Variants in SERPINA9 observed in about 807,000 individuals in gnomAD.
The protein encoded by SERPINA9 is serpin family A member 9, also known as serpin A9.
Under a neutral mutation model 24.5 loss-of-function variants are expected in SERPINA9, and 32 were observed. The ratio of observed to expected loss-of-function variants is 1.30; its 90% CI spans 0.98 to 1.75. The LOEUF (loss-of-function observed/expected upper bound fraction) is 1.75. SERPINA9 is among the 40% of genes most tolerant of loss of function. The probability of loss-of-function intolerance (pLI) is 0.00; values close to 1 mark genes in which losing one functional copy is unlikely to be tolerated. For synonymous variants in SERPINA9, 233 were observed against 197.7 expected (o/e 1.18, Z -1.50); for missense variants, 594 against 497.1 (o/e 1.19, Z -1.85).
At chr14:94,467,523 C>A in intron 2 of SERPINA9, 141 bp from the exon 3 acceptor site, 3 of 703,284 alleles carry the variant, frequency 4.3e-6, no homozygotes, top group South Asian at 4.3e-5. Context: ...TATTACACAG[C>A]GGAGTAGTTG....
intron 2 of SERPINA9, among the ~76,000 whole-genome samples, chr14:94,467,781 C>T (rs1899082547): frequency 6.6e-6 from 1 of 151,720 alleles, no homozygotes; most frequent in Non-Finnish European, 1.5e-5. Context: ...AAATGGTTGG[C>T]TGGCTGGGTG....
chr14:94,463,283 G>C lies in SERPINA9; in HGVS notation c.1064C>G (p.Ala355Gly), dbSNP rs546582038. The change falls in exon 5 of 5, where the codon GCT becomes GGT. Residue 355 changes from alanine to glycine, a missense_variant. Ala to Gly is a moderately conservative substitution (Grantham distance 60). Transcript: ENST00000674397. Reference protein sequence around the residue: ...SLQVSKATHKAVLDVSEEGTE... With the variant: ...SLQVSKATHKGVLDVSEEGTE... ...GCCCTCTTCACTGACATCCAGCACA[G>C]CCTTGTGGGTTGCCTGCCAAGGGAA... 1.2e-6 allele frequency: 2 copies of C among 1,614,068 alleles called. No individual in the cohort carries two copies. The highest frequency in any genetic ancestry group is 3.3e-5 in the Admixed American group (2 of 60,022).
intron 2 of SERPINA9, among the ~76,000 whole-genome samples, chr14:94,468,850 A>G (rs970609562): frequency 2.0e-5 from 3 of 152,316 alleles, no homozygotes; most frequent in East Asian, 3.9e-4. Flanking sequence ...GTTGTCAGAG[A>G]GTTCCATGTT....
intron 3 of SERPINA9, among the ~76,000 whole-genome samples, chr14:94,465,582 C>A (rs1024126119): frequency 6.6e-6 from 1 of 152,098 alleles, no homozygotes; most frequent in Non-Finnish European, 1.5e-5. Flanking sequence ...GGCTGGAGTG[C>A]AATGGCACAG....
chr14:94,464,572 G>A (rs1206197996), intron 4 of SERPINA9, 135 bp downstream of exon 4: 16 of 704,322 alleles, frequency 2.3e-5, no homozygotes, highest in Admixed American at 5.6e-5. Flanking sequence ...CGCAAGATTC[G>A]GTTCTTCTGG....
At chr14:94,466,747 G>C (rs886074689) in intron 3 of SERPINA9, among the ~76,000 whole-genome samples, 1 of 152,090 alleles carries the variant, frequency 6.6e-6, no homozygotes, top group Non-Finnish European at 1.5e-5. Flanking sequence ...TTTCTTATAT[G>C]TGACCACCAA....
chr14:94,470,337 C>T (rs909322602), intron 1 of SERPINA9, among the ~76,000 whole-genome samples: 2 of 152,170 alleles, frequency 1.3e-5, no homozygotes, highest in Admixed American at 1.3e-4. Flanking sequence ...CAGACACAGG[C>T]ATTTTACTAA....
chr14:94,476,151 T>C lies in SERPINA9; in HGVS notation c.-33A>G, dbSNP rs768580405. ...CCTTACCCACCTTTGCAGGTTCCTC[T>C]TCTCCTGCCCTGTCCTTGCATGGTT... On this transcript the variant is annotated 5_prime_UTR_variant, in exon 1 of 5. Transcript: ENST00000674397. The C allele has an allele frequency of 5.0e-6, 8 of 1,614,094 alleles. No individual in the cohort carries two copies. The highest frequency in any genetic ancestry group is 4.2e-6 in the Non-Finnish European group (5 of 1,180,042).
intron 1 of SERPINA9, among the ~76,000 whole-genome samples, chr14:94,470,921 A>G (rs926925517): frequency 2.1e-4 from 32 of 152,162 alleles, no homozygotes; most frequent in Admixed American, 6.5e-5. Context: ...TGACCCTGAG[A>G]TACAACAGTA....
intron 3 of SERPINA9, 152 bp from the exon 4 acceptor site, chr14:94,465,006 T>G (rs950897036): frequency 2.6e-5 from 17 of 665,948 alleles, no homozygotes; most frequent in Non-Finnish European, 2.5e-6. Context: ...GAAACCCAGG[T>G]TGCTCTTGAA....
chr14:94,464,904 G>T (rs748898261), intron 3 of SERPINA9, 50 bp from the exon 4 acceptor site: 9 of 1,508,596 alleles, frequency 6.0e-6, no homozygotes, highest in Non-Finnish European at 7.2e-6. Context: ...CATGGTGTCT[G>T]CATCTCTGCT....
intron 1 of SERPINA9, among the ~76,000 whole-genome samples, chr14:94,474,380 A>G (rs8021858): frequency 0.63 from 96,305 of 152,014 alleles, 30,684 homozygotes; most frequent in East Asian, 0.71. Flanking sequence ...TGGCTAGTAA[A>G]TGTCCTGAGT....
intron 1 of SERPINA9, among the ~76,000 whole-genome samples, chr14:94,475,145 A>G (rs1899524384): frequency 6.6e-6 from 1 of 152,086 alleles, no homozygotes; most frequent in Admixed American, 6.5e-5. Context: ...TTCATGTCCC[A>G]GCCCTGTGGC....
At chr14:94,475,275 C>G (rs138755824) in intron 1 of SERPINA9, among the ~76,000 whole-genome samples, 1 of 152,266 alleles carries the variant, frequency 6.6e-6, no homozygotes, top group South Asian at 2.1e-4. Flanking sequence ...CCTTTATCCA[C>G]CCGGCAACAT....
At chr14:94,474,173 G>A (rs1006446534) in intron 1 of SERPINA9, among the ~76,000 whole-genome samples, 1 of 152,242 alleles carries the variant, frequency 6.6e-6, no homozygotes, top group African/African-American at 2.4e-5. Flanking sequence ...AGCACCAGGG[G>A]TCTGTGCCCC....
chr14:94,469,773 G>T lies in SERPINA9; in HGVS notation c.68C>A (p.Pro23Gln). 1 of 1,548,680 alleles carries T rather than the reference G, an allele frequency of 6.5e-7. No individual in the cohort carries two copies. Among genetic ancestry groups the T allele is most frequent in the Non-Finnish European group, 8.7e-7 (1 of 1,146,562 alleles). Residue 23 changes from proline to glutamine, a missense_variant, in exon 2 of 5, where the codon CCG (proline) becomes CAG (glutamine). Physicochemically the swap from Pro to Gln is moderately conservative, Grantham distance 76. Coordinates refer to ENST00000674397, the MANE Select transcript of SERPINA9 (RefSeq NM_175739.4). ...GLCAPIYCVSPANAPSAYPRP... is the reference protein window; with the variant it reads ...GLCAPIYCVSQANAPSAYPRP... ...GGGGTATGCACTGGGGGCATTGGCC[G>T]GGGACACACAGTAGATTGGAGCACA...
At position 94,469,278 on chromosome 14, in the gene SERPINA9, AC is replaced by A. The variant is rs74947133; in HGVS notation, c.562del (p.Val188Ter). On this transcript the variant is annotated frameshift_variant, in exon 2 of 5. Coordinates refer to ENST00000674397, the MANE Select transcript of SERPINA9 (RefSeq NM_175739.4). LOFTEE classifies it high-confidence loss of function. ...HVKKKTQGKV[V>X]DIIQGLDLLT... is the part of the protein sequence containing the mutation. ...AAGGTCAAGGCCTTGGATTATGTCT[AC>A]AACCTTCCCTTGGGTCTTCTTTTTC... The A allele has an allele frequency of 4.4e-3, 7,046 of 1,614,166 alleles. 244 individuals are homozygous for A. The African/African-American group carries it at 0.077, about 18-fold the overall frequency.
chr14:94,475,230 G>A (rs117009764), intron 1 of SERPINA9, among the ~76,000 whole-genome samples: 478 of 152,270 alleles, frequency 3.1e-3, no homozygotes, highest in Non-Finnish European at 5.5e-3. Context: ...GGTTCTGCAA[G>A]GCAGCCTCGT....
chr14:94,476,046 T>C (rs544382347), intron 1 of SERPINA9, 90 bp downstream of exon 1: 2 of 1,588,836 alleles, frequency 1.3e-6, no homozygotes, highest in East Asian at 2.2e-5. Context: ...CCAGCTGCAT[T>C]TGACACTGAA....
Sources: allele counts gnomAD v4.1 joint callset (sites outside exome capture counted in the v4.1 genomes callset), GRCh38; gene constraint gnomAD v4.1.1; transcripts MANE v1.5; gene names NCBI Gene and HGNC (gene_info 2026-07-23, HGNC 2026-07-21).